Variants in LANCL2 observed in about 807,000 individuals in gnomAD.
LANCL2 encodes the protein lanC-like protein 2.
Under a neutral mutation model 56.9 loss-of-function variants are expected in LANCL2, and 33 were observed. The observed-to-expected ratio is 0.58, with a 90% CI of 0.44 to 0.78. The LOEUF (loss-of-function observed/expected upper bound fraction) is 0.78, where lower values mean the gene tolerates loss of function less well. LANCL2 is among the 30% of genes least tolerant of loss of function. The pLI, the probability that LANCL2 is intolerant of heterozygous loss-of-function variation, is 0.00. For synonymous variants in LANCL2, 233 were observed against 228.2 expected, an observed-to-expected ratio of 1.02 and a Z score of -0.19; for missense variants, 562 against 580.2, an observed-to-expected ratio of 0.97 and a Z score of 0.32.
At chr7:55,404,917 G>C (rs184318476) in intron 5 of LANCL2, among the ~76,000 whole-genome samples, 1 of 152,222 alleles carries the variant, frequency 6.6e-6, no homozygotes, top group African/African-American at 2.4e-5. Flanking sequence ...TCATGATGCA[G>C]GTACATGCTT....
intron 2 of LANCL2, among the ~76,000 whole-genome samples, chr7:55,392,539 C>T (rs534747515): frequency 1.9e-4 from 24 of 129,468 alleles, no homozygotes; most frequent in Non-Finnish European, 2.4e-4. Context: ...TTTGTAAAGA[C>T]GGAGTCTCAC....
intron 1 of LANCL2, among the ~76,000 whole-genome samples, chr7:55,390,945 T>A (rs1293676369): frequency 4.0e-5 from 6 of 151,822 alleles, no homozygotes; most frequent in Non-Finnish European, 8.8e-5. Flanking sequence ...ATATATATAT[T>A]TTTTAATCTG....
chr7:55,420,731 A>C (rs945119754), intron 6 of LANCL2, among the ~76,000 whole-genome samples: 2 of 152,104 alleles, frequency 1.3e-5, no homozygotes, highest in African/African-American at 4.8e-5. Flanking sequence ...TCATGACCTC[A>C]CTCCAGGGAA....
chr7:55,406,771 C>T (rs1790412412), intron 5 of LANCL2, among the ~76,000 whole-genome samples: 1 of 152,206 alleles, frequency 6.6e-6, no homozygotes. Context: ...AAACAGTTCG[C>T]CTCTTGAAAA....
intron 1 of LANCL2, among the ~76,000 whole-genome samples, chr7:55,374,538 T>C (rs115351550): frequency 0.012 from 1,843 of 152,270 alleles, 35 homozygotes; most frequent in African/African-American, 0.042. Flanking sequence ...TCAGAAGATA[T>C]AGCTTCCCCA....
In LANCL2 at chr7:55,400,044, C is replaced by T. The variant is rs753638716; in HGVS notation, c.618C>T (p.Ala206=). 3.1e-6 allele frequency: 5 copies of T among 1,613,554 alleles called. No individual in the cohort carries two copies. Among genetic ancestry groups the T allele is most frequent in the Non-Finnish European group, 4.2e-6 (5 of 1,179,730 alleles). Residue 206 remains alanine, a synonymous_variant, in exon 4 of 9, where the codon GCC becomes GCT. Coordinates refer to ENST00000254770, the MANE Select transcript of LANCL2 (RefSeq NM_018697.4). ...ATGGACGGGCAGGTTATCTGTATGC[C>T]TTACTGTACCTGAACACAGAGATAG... is the stretch of plus-strand genomic sequence containing the variant. The part of the protein sequence containing the change: ...LLYGRAGYLY[A]LLYLNTEIGP...
At chr7:55,428,516 G>A in intron 8 of LANCL2, 69 bp downstream of exon 8, 2 of 1,241,900 alleles carry the variant, frequency 1.6e-6, no homozygotes, top group Non-Finnish European at 2.4e-6. Flanking sequence ...TTGTGGACTG[G>A]CACTGTTCAT....
At chr7:55,394,160 T>C (rs1434423041) in intron 2 of LANCL2, 1 of 152,236 alleles carries the variant, frequency 6.6e-6, no homozygotes, top group Non-Finnish European at 1.5e-5. Context: ...GCCATTGCTG[T>C]CTTTAGGAAT....
chr7:55,389,698 A>G (rs1790163963), intron 1 of LANCL2, among the ~76,000 whole-genome samples: 1 of 152,198 alleles, frequency 6.6e-6, no homozygotes, highest in Admixed American at 6.5e-5. Flanking sequence ...AATGCAGTGC[A>G]GGTAGGGTAT....
intron 2 of LANCL2, 143 bp downstream of exon 2, chr7:55,392,053 G>T: frequency 2.0e-6 from 1 of 488,800 alleles, no homozygotes; most frequent in South Asian, 2.7e-5. Flanking sequence ...AGCACATTTG[G>T]AGGCCGAGGC....
intron 6 of LANCL2, among the ~76,000 whole-genome samples, chr7:55,415,134 A>G (rs1002205329): frequency 2.0e-5 from 3 of 152,194 alleles, no homozygotes; most frequent in Non-Finnish European, 2.9e-5. Context: ...TCTTCCTTCT[A>G]TTCACGTTTT....
At chr7:55,420,546 CAGTT>C (rs747288855) in intron 6 of LANCL2, among the ~76,000 whole-genome samples, 3 of 152,346 alleles carry the variant, frequency 2.0e-5, no homozygotes. Flanking sequence ...CTAGAAATGT[CAGTT>C]AGGCCAATGG....
intron 1 of LANCL2, among the ~76,000 whole-genome samples, chr7:55,378,533 CGTGTGTGT>C (rs71031838): frequency 3.3e-5 from 5 of 150,244 alleles, no homozygotes; most frequent in Non-Finnish European, 7.4e-5. Context: ...TATATGTATA[CGTGTGTGT>C]GTGTGTGTGT....
At chr7:55,367,673 GGA>G (rs1200188597) in intron 1 of LANCL2, among the ~76,000 whole-genome samples, 1 of 152,160 alleles carries the variant, frequency 6.6e-6, no homozygotes. Flanking sequence ...TGCAGTGAGT[GGA>G]GATTGCGCCA....
chr7:55,405,447 T>A (rs578166576), intron 5 of LANCL2, among the ~76,000 whole-genome samples: 1 of 152,124 alleles, frequency 6.6e-6, no homozygotes, highest in Admixed American at 6.5e-5. Flanking sequence ...TCATAGTGTA[T>A]TCTGTATTTT....
intron 6 of LANCL2, among the ~76,000 whole-genome samples, chr7:55,416,433 C>T (rs537715597): frequency 1.3e-5 from 2 of 152,122 alleles, no homozygotes; most frequent in East Asian, 1.9e-4. Flanking sequence ...ACTACAGGCA[C>T]GTGCCACCAC....
intron 1 of LANCL2, among the ~76,000 whole-genome samples, chr7:55,388,903 C>T (rs568977327): frequency 1.8e-4 from 27 of 152,220 alleles, no homozygotes; most frequent in South Asian, 4.2e-4. Flanking sequence ...CATTGAGGGC[C>T]GTTTGCCTTT....
chr7:55,389,428 A>G (rs1790161038), intron 1 of LANCL2, among the ~76,000 whole-genome samples: 1 of 152,236 alleles, frequency 6.6e-6, no homozygotes, highest in South Asian at 2.1e-4. Context: ...TGGACTTTAA[A>G]TATAAAGAAA....
chr7:55,387,276 A>G (rs1199069027), intron 1 of LANCL2, among the ~76,000 whole-genome samples: 1 of 152,256 alleles, frequency 6.6e-6, no homozygotes, highest in Non-Finnish European at 1.5e-5. Context: ...GAATTTAGAT[A>G]AATGTCAAGA....
Sources: allele counts gnomAD v4.1 joint callset (sites outside exome capture counted in the v4.1 genomes callset), GRCh38; gene constraint gnomAD v4.1.1; transcripts MANE v1.5; gene names NCBI Gene and HGNC (gene_info 2026-07-23, HGNC 2026-07-21).